Variants in ALPK1 observed in about 807,000 individuals in gnomAD.
ALPK1 encodes alpha-protein kinase 1.
ALPK1 carries 110 observed loss-of-function variants against 120.6 expected under a neutral mutation model. The observed-to-expected ratio is 0.91, with a 90% CI of 0.78 to 1.07. The LOEUF is 1.07. ALPK1 is among the 50% of genes least tolerant of loss of function. ALPK1 has a pLI of 0.00. For synonymous variants in ALPK1, 582 were observed against 560.3 expected (o/e 1.04, Z -0.55); for missense variants, 1,498 against 1,483.9 (o/e 1.01, Z -0.16).
chr4:112,418,199 A>G (rs527611523), intron 5 of ALPK1, among the ~76,000 whole-genome samples: 131 of 152,356 alleles, frequency 8.6e-4, no homozygotes, highest in Non-Finnish European at 1.6e-3. Context: ...GAAGGCACAG[A>G]CATGGCTCGC....
In ALPK1 at chr4:112,432,176, C is replaced by T. The variant is rs769142841; in HGVS notation, c.2629C>T (p.Leu877=). The T allele has an allele frequency of 1.9e-6, 3 of 1,614,102 alleles. No homozygotes were observed. In the East Asian group the frequency reaches 6.7e-5, roughly 36 times the overall value. ...NGHGSHRLCI[L]RQPPGQRAET... ...GCACGGCTCTCATAGACTGTGCATTCTGAGACAGCCGCCTGGTCAGAGGGC... is the reference window on the plus strand; with the variant it reads ...GCACGGCTCTCATAGACTGTGCATTTTGAGACAGCCGCCTGGTCAGAGGGC... Residue 877 remains leucine, a synonymous_variant, in exon 11 of 16, where the codon CTG becomes TTG. Coordinates refer to ENST00000650871, the MANE Select transcript of ALPK1 (RefSeq NM_025144.4).
intron 2 of ALPK1, among the ~76,000 whole-genome samples, chr4:112,327,597 T>C (rs1729171849): frequency 2.0e-5 from 3 of 152,032 alleles, no homozygotes; most frequent in African/African-American, 7.3e-5. Flanking sequence ...AACCGAGCCC[T>C]GATAATTTTT....
intron 2 of ALPK1, among the ~76,000 whole-genome samples, chr4:112,351,954 A>G (rs1397658618): frequency 2.0e-5 from 3 of 152,180 alleles, no homozygotes; most frequent in African/African-American, 7.2e-5. Context: ...TGTTCATGTC[A>G]TTCTCCAACT....
chr4:112,317,766 C>T (rs765346034), intron 2 of ALPK1, among the ~76,000 whole-genome samples: 9 of 151,922 alleles, frequency 5.9e-5, no homozygotes, highest in Non-Finnish European at 8.8e-5. Context: ...CAGTGGTTTT[C>T]GATGATTTTT....
chr4:112,349,576 CAG>C (rs1335856539), intron 2 of ALPK1, among the ~76,000 whole-genome samples: 1 of 89,626 alleles, frequency 1.1e-5, no homozygotes, highest in Non-Finnish European at 2.0e-5. Context: ...ATTTTTGAGA[CAG>C]AGTTTTGTCC....
At chr4:112,325,318 A>G (rs538553072) in intron 2 of ALPK1, among the ~76,000 whole-genome samples, 2 of 152,222 alleles carry the variant, frequency 1.3e-5, no homozygotes, top group African/African-American at 2.4e-5. Context: ...TTTTTCCCCA[A>G]AATTGTAAAT....
At chr4:112,390,981 A>G (rs1578528061) in intron 4 of ALPK1, among the ~76,000 whole-genome samples, 2 of 152,336 alleles carry the variant, frequency 1.3e-5, no homozygotes, top group Non-Finnish European at 2.9e-5. Flanking sequence ...AAGAGGAAGC[A>G]TATCTAAGAG....
At chr4:112,359,756 C>A in intron 2 of ALPK1, 1 of 392,754 alleles carries the variant, frequency 2.5e-6, no homozygotes, top group Non-Finnish European at 5.1e-6. Flanking sequence ...AGGACGTGCC[C>A]AACCTGCACA....
At position 112,438,657 on chromosome 4, in the gene ALPK1, C is replaced by T. The variant is rs376619154; in HGVS notation, c.3351+11C>T. 6.2e-7 allele frequency: 1 copy of T among 1,609,580 alleles called. No homozygotes were observed. The highest frequency in any genetic ancestry group is 1.1e-5 in the South Asian group (1 of 90,732). ...TCCACAATACTACTGGTAAGATTAT[C>T]CTGAACACATCATTTGGATCTTCCA... is the stretch of plus-strand genomic sequence containing the variant. On this transcript the variant is annotated intron_variant, in intron 13 of 15. Coordinates refer to ENST00000650871, the MANE Select transcript of ALPK1 (RefSeq NM_025144.4).
In ALPK1 at chr4:112,378,035, G is replaced by A. The variant is rs1731745964; in HGVS notation, c.121+137G>A. ...CCACCGAGAGATGAGTGGATTTCTAGGGCATGAATGGGACATGGGCTGCGG... is the reference window on the plus strand; with the variant it reads ...CCACCGAGAGATGAGTGGATTTCTAAGGCATGAATGGGACATGGGCTGCGG... On this transcript the variant is annotated intron_variant, in intron 3 of 15. Transcript: ENST00000650871. 3.0e-6 allele frequency: 3 copies of A among 1,016,916 alleles called. No homozygotes were observed. In the African/African-American group the frequency reaches 4.9e-5, roughly 17 times the overall value. 63.0% of individuals were successfully genotyped at this position (1,016,916 alleles called of 1,614,324 possible).
At chr4:112,304,673 G>A (rs1364174062) in intron 1 of ALPK1, among the ~76,000 whole-genome samples, 1 of 151,920 alleles carries the variant, frequency 6.6e-6, no homozygotes, top group African/African-American at 2.4e-5. Flanking sequence ...TAAGTAGATT[G>A]CAAAAATTTT....
At chr4:112,332,598 A>G (rs1040520742) in intron 2 of ALPK1, among the ~76,000 whole-genome samples, 1 of 152,212 alleles carries the variant, frequency 6.6e-6, no homozygotes, top group Non-Finnish European at 1.5e-5. Flanking sequence ...AGGTTATGAC[A>G]CAGTACAGTC....
rs1487789718 is a variant in ALPK1, at chr4:112,437,549, C to A, written c.3189-935C>A. 7.2e-5 allele frequency among the ~76,000 whole-genome samples: 11 copies of A among 152,320 alleles called. No individual in the cohort carries two copies. The East Asian group carries it at 2.1e-3, about 29-fold the overall frequency. ...CAACAAAATTCTGAATTAGTTCAAA[C>A]CCTCTATAGGTCTTGCGGTCTCTCC... is the stretch of plus-strand genomic sequence containing the variant. On this transcript the variant is annotated intron_variant, in intron 12 of 15. Coordinates refer to ENST00000650871, the MANE Select transcript of ALPK1 (RefSeq NM_025144.4).
chr4:112,366,034 G>A (rs1731136924), intron 2 of ALPK1, among the ~76,000 whole-genome samples: 1 of 151,962 alleles, frequency 6.6e-6, no homozygotes, highest in Non-Finnish European at 1.5e-5. Context: ...ATCCTCATCT[G>A]TCTATATATA....
At chr4:112,440,268 G>A (rs368694548) in intron 14 of ALPK1, among the ~76,000 whole-genome samples, 54 of 152,008 alleles carry the variant, frequency 3.6e-4, no homozygotes, top group African/African-American at 1.3e-3. Flanking sequence ...GTGATGTTGG[G>A]TTTCATAATG....
chr4:112,327,135 T>C (rs1019706555), intron 2 of ALPK1, among the ~76,000 whole-genome samples: 2 of 152,066 alleles, frequency 1.3e-5, no homozygotes, highest in Non-Finnish European at 2.9e-5. Context: ...TATAGAAAAA[T>C]AAAATATTCA....
At chr4:112,395,887 G>C (rs940021749) in intron 4 of ALPK1, among the ~76,000 whole-genome samples, 1 of 151,984 alleles carries the variant, frequency 6.6e-6, no homozygotes, top group East Asian at 1.9e-4. Flanking sequence ...CCAATTATGA[G>C]GCATCATTTG....
chr4:112,357,848 A>T, intron 2 of ALPK1: 1 of 1,121,652 alleles, frequency 8.9e-7, no homozygotes, highest in Non-Finnish European at 1.4e-6. Context: ...CAGGCCCACT[A>T]CTTGGCTAGG....
intron 11 of ALPK1, among the ~76,000 whole-genome samples, chr4:112,432,865 G>T (rs1734635298): frequency 6.6e-6 from 1 of 152,194 alleles, no homozygotes. Flanking sequence ...CTCTGGCACA[G>T]CCATCACTAA....
Sources: allele counts gnomAD v4.1 joint callset (sites outside exome capture counted in the v4.1 genomes callset), GRCh38; gene constraint gnomAD v4.1.1; transcripts MANE v1.5; gene names NCBI Gene and HGNC (gene_info 2026-07-23, HGNC 2026-07-21).